Variants in PTRHD1 observed in about 807,000 individuals in gnomAD.
PTRHD1 encodes the protein putative peptidyl-tRNA hydrolase PTRHD1.
In PTRHD1, 12 loss-of-function variants were observed where a neutral mutation model predicts 13.6. The observed-to-expected ratio is 0.88, with a 90% CI of 0.57 to 1.43. PTRHD1 has a LOEUF of 1.43. Among genes scored for constraint, PTRHD1 ranks in the 40% most tolerant of loss-of-function variants. The probability of loss-of-function intolerance (pLI) is 0.00; values close to 1 mark genes in which losing one functional copy is unlikely to be tolerated. For synonymous variants in PTRHD1, 86 were observed against 79.5 expected (o/e 1.08, Z -0.43); for missense variants, 203 against 184.7 (o/e 1.10, Z -0.57).
At chr2:24,792,825 G>A (rs1665666845) in intron 1 of PTRHD1, 2 of 485,802 alleles carry the variant, frequency 4.1e-6, no homozygotes, top group Non-Finnish European at 7.4e-6. Flanking sequence ...CGGTTTTGCA[G>A]GAGGACAGCA....
chr2:24,793,037 A>T, intron 1 of PTRHD1, 89 bp downstream of exon 1: 1 of 1,452,316 alleles, frequency 6.9e-7, no homozygotes, highest in Non-Finnish European at 9.2e-7. Flanking sequence ...CGCCGCACCC[A>T]CTCCCCGCAG....
intron 1 of PTRHD1, chr2:24,791,462 T>C (rs1407397786): frequency 1.3e-5 from 2 of 152,208 alleles, no homozygotes; most frequent in African/African-American, 4.8e-5. Context: ...CTCAGAAAAT[T>C]ATTATTTTTG....
rs772958289 is a variant in PTRHD1 at position 24,793,126 on chromosome 2, C to G, written c.252G>C (p.Glu84Asp). Residue 84 changes from glutamate (E) to aspartate (D), a missense_variant and splice_region_variant, in exon 1 of 2, where the codon GAG (glutamate) becomes GAC (aspartate). Coordinates refer to ENST00000328379, the MANE Select transcript of PTRHD1 (RefSeq NM_001013663.2). ...CTCCCCCTCCGCCCGAGTGCCTCAC[C>G]TCGAGGACCACTTTGCGCATGCGCC... ...ELGRMRKVVLEAPDETTLKEL... is the reference protein window; with the variant it reads ...ELGRMRKVVLDAPDETTLKEL... 1.5e-5 allele frequency: 24 copies of G among 1,611,356 alleles called. No individual in the cohort carries two copies. The highest frequency in any genetic ancestry group is 2.0e-5 in the Non-Finnish European group (23 of 1,178,660).
rs775361126 is a variant in PTRHD1, at chr2:24,793,182, G to A, written c.196C>T (p.Pro66Ser). 11 of 1,612,820 alleles carry A rather than the reference G, an allele frequency of 6.8e-6. No individual in the cohort carries two copies. The highest frequency in any genetic ancestry group is 1.6e-4 in the Middle Eastern group (1 of 6,084). The change falls in exon 1 of 2, where the codon CCG becomes TCG. Residue 66 changes from proline to serine, a missense_variant. Transcript: ENST00000328379. Reference protein sequence around the residue: ...TAALHTHRDHPHTAAYLQELG... With the variant: ...TAALHTHRDHSHTAAYLQELG... ...TCTTGGAGGTAAGCGGCTGTGTGCG[G>A]GTGGTCGCGGTGAGTGTGCAAGGCC...
chr2:24,793,015 C>G, intron 1 of PTRHD1, 111 bp downstream of exon 1: 1 of 1,279,866 alleles, frequency 7.8e-7, no homozygotes, highest in Non-Finnish European at 1.1e-6. Context: ...TGTTAACGAT[C>G]ACCCCAACTC....
intron 1 of PTRHD1, among the ~76,000 whole-genome samples, chr2:24,791,305 G>C (rs531820015): frequency 2.8e-4 from 43 of 152,000 alleles, no homozygotes; most frequent in Non-Finnish European, 4.6e-4. Flanking sequence ...AACCTAGAGG[G>C]GTTTTCCTTC....
intron 1 of PTRHD1, 23 bp downstream of exon 1, chr2:24,793,103 C>A (rs1355950294): frequency 1.2e-6 from 2 of 1,603,898 alleles, no homozygotes; most frequent in Non-Finnish European, 1.7e-6. Flanking sequence ...CTCAGCACCT[C>A]CCCCTCCGCC....
rs1053958 is a variant in PTRHD1, at chr2:24,790,142, G to A, written c.*269C>T. 3.0e-6 allele frequency: 1 copy of A among 331,642 alleles called. No homozygotes were observed. The highest frequency in any genetic ancestry group is 2.1e-5 in the African/African-American group (1 of 47,754). The allele number at this position is 331,642 out of a possible 1,614,324, so 20.5% of individuals were successfully genotyped here. A position where few individuals can be genotyped will look rare whatever the true frequency, so the allele number is the denominator to read the frequency against. ...CAAAAGCAAAGTTTCAAACCCGAGT[G>A]ACTGGAAGGGAGTTTCCTTGAGCCC... On this transcript the variant is annotated 3_prime_UTR_variant, in exon 2 of 2. Transcript: ENST00000328379.
chr2:24,793,220 T>G lies in PTRHD1; in HGVS notation c.158A>C (p.His53Pro), dbSNP rs1665685795. 6.2e-7 allele frequency: 1 copy of G among 1,613,258 alleles called. No homozygotes were observed. The highest frequency in any genetic ancestry group is 8.5e-7 in the Non-Finnish European group (1 of 1,180,018). The part of the protein sequence containing the change: ...PAGALVAQAC[H>P]AATAALHTHR... ...AGTGTGCAAGGCCGCGGTGGCCGCGTGACAAGCCTGCGCTACCAGTGCGCC... is the reference window on the plus strand; with the variant it reads ...AGTGTGCAAGGCCGCGGTGGCCGCGGGACAAGCCTGCGCTACCAGTGCGCC... The change falls in exon 1 of 2, where the codon CAC becomes CCC. Residue 53 changes from histidine (H) to proline (P), a missense_variant. His to Pro is a moderately conservative substitution (Grantham distance 77). Coordinates refer to ENST00000328379, the MANE Select transcript of PTRHD1 (RefSeq NM_001013663.2).
At chr2:24,792,952 ACAGT>A (rs1270469452) in intron 1 of PTRHD1, 170 bp downstream of exon 1, 10 of 752,494 alleles carry the variant, frequency 1.3e-5, no homozygotes, top group South Asian at 7.4e-5. Context: ...CACTCTTCAC[ACAGT>A]CAGGCCCTTC....
intron 1 of PTRHD1, chr2:24,792,856 A>G (rs1480246211): frequency 1.8e-6 from 1 of 551,516 alleles, no homozygotes; most frequent in Non-Finnish European, 3.2e-6. Context: ...TGGCTTTAAA[A>G]AGTCGGCCAG....
At position 24,789,913 on chromosome 2, in the gene PTRHD1, C is replaced by G. The variant is rs1340655060; in HGVS notation, c.*498G>C. The G allele has an allele frequency of 1.3e-5, 2 of 156,340 alleles. No individual in the cohort carries two copies. Among genetic ancestry groups the G allele is most frequent in the Non-Finnish European group, 2.8e-5 (2 of 70,734 alleles). 9.7% of individuals were successfully genotyped at this position (156,340 alleles called of 1,614,324 possible). A position where few individuals can be genotyped will look rare whatever the true frequency, so the allele number is the denominator to read the frequency against. ...CTTGAACTCATGGGCTCAAGCGATCCTCCTGCCTTGGCTTCCCAAAACCCT... is the reference window on the plus strand; with the variant it reads ...CTTGAACTCATGGGCTCAAGCGATCGTCCTGCCTTGGCTTCCCAAAACCCT... On this transcript the variant is annotated 3_prime_UTR_variant, in exon 2 of 2. Transcript: ENST00000328379.
intron 1 of PTRHD1, chr2:24,792,877 G>A: frequency 1.7e-6 from 1 of 586,052 alleles, no homozygotes; most frequent in South Asian, 2.1e-5. Context: ...TGCACAGGCG[G>A]AACAGCGGGG....
intron 1 of PTRHD1, 37 bp from the exon 2 acceptor site, chr2:24,790,618 C>A (rs939350775): frequency 4.4e-6 from 7 of 1,582,182 alleles, no homozygotes; most frequent in Non-Finnish European, 6.0e-6. Flanking sequence ...ACTGAATAGC[C>A]CACTTAGGAA....
At chr2:24,792,319 T>TA (rs1665649310) in intron 1 of PTRHD1, 1 of 152,214 alleles carries the variant, frequency 6.6e-6, no homozygotes, top group Non-Finnish European at 1.5e-5. Flanking sequence ...TATTATAAAA[T>TA]ATGTGCTTAA....
At position 24,790,564 on chromosome 2, in the gene PTRHD1, G is replaced by A; in HGVS notation, c.270C>T (p.Thr90=). The change falls in exon 2 of 2, where the codon ACC becomes ACT. Residue 90 remains threonine (T), a synonymous_variant. Coordinates refer to ENST00000328379, the MANE Select transcript of PTRHD1 (RefSeq NM_001013663.2). ...GCAGGGTCTCGGCCAGCTCCTTTAG[G>A]GTGGTCTCATCTGGGGCCTAAAGGA... is the stretch of plus-strand genomic sequence containing the variant. The part of the protein sequence containing the change: ...KVVLEAPDET[T]LKELAETLQQ... 1 of 1,613,908 alleles carries A rather than the reference G, an allele frequency of 6.2e-7. No homozygotes were observed. Among genetic ancestry groups the A allele is most frequent in the Non-Finnish European group, 8.5e-7 (1 of 1,179,946 alleles).
intron 1 of PTRHD1, 129 bp downstream of exon 1, chr2:24,792,995 CCA>C (rs1417220754): frequency 3.0e-5 from 33 of 1,110,778 alleles, no homozygotes; most frequent in Non-Finnish European, 4.2e-5. Flanking sequence ...GGAAACAGCT[CCA>C]GTCTAAATGT....
chr2:24,790,002 G>A lies in PTRHD1; in HGVS notation c.*409C>T, dbSNP rs1027474316. 6.3e-6 allele frequency: 1 copy of A among 159,436 alleles called. No homozygotes were observed. The highest frequency in any genetic ancestry group is 1.4e-5 in the Non-Finnish European group (1 of 72,564). 9.9% of individuals were successfully genotyped at this position (159,436 alleles called of 1,614,324 possible). ...TAACATCTTTGTTATTGAAATACAA[G>A]TGTTTAATTTGCCGGCATATTTTTT... On this transcript the variant is annotated 3_prime_UTR_variant, in exon 2 of 2. Transcript: ENST00000328379.
At chr2:24,790,652 T>C in intron 1 of PTRHD1, 71 bp from the exon 2 acceptor site, 1 of 1,440,432 alleles carries the variant, frequency 6.9e-7, no homozygotes, top group Non-Finnish European at 9.4e-7. Flanking sequence ...AAAAAAGGTT[T>C]CGGGAGTCCT....
Sources: gnomAD v4.1 joint callset for allele counts (sites outside exome capture counted in the v4.1 genomes callset) on GRCh38, gnomAD v4.1.1 for gene constraint, MANE v1.5 for transcripts, NCBI Gene and HGNC (gene_info 2026-07-23, HGNC 2026-07-21) for gene names.